The following PABPC4L variants were observed in gnomAD, a reference collection of about 807,000 sequenced individuals.
PABPC4L encodes polyadenylate-binding protein 4-like.
For missense variants in PABPC4L, 452 were observed against 451.4 expected (o/e 1.00, Z -0.01); for synonymous variants, 169 against 164.1 (o/e 1.03, Z -0.23).
chr4:134,006,861 T>C, the PABPC4L span, among the ~76,000 whole-genome samples: 1 of 151,706 alleles, frequency 6.6e-6, no homozygotes, highest in Admixed American at 6.6e-5. Flanking sequence ...AATCTCAAAG[T>C]GTGATCTTCT....
At chr4:134,190,601 A>G in the PABPC4L span, among the ~76,000 whole-genome samples, 2 of 152,082 alleles carry the variant, frequency 1.3e-5, no homozygotes, top group African/African-American at 4.8e-5. Flanking sequence ...AATACTTCTC[A>G]TAAGTTTGGA....
chr4:134,072,304 A>C, the PABPC4L span, among the ~76,000 whole-genome samples: 1 of 152,136 alleles, frequency 6.6e-6, no homozygotes, highest in South Asian at 2.1e-4. Context: ...AGTTGATGTG[A>C]GTCTGTCAAC....
At chr4:133,964,743 A>G in the PABPC4L span, among the ~76,000 whole-genome samples, 5 of 152,156 alleles carry the variant, frequency 3.3e-5, no homozygotes, top group Non-Finnish European at 7.4e-5. Context: ...TAGATACAGA[A>G]AAAGCATTTA....
chr4:134,102,615 T>C, the PABPC4L span, among the ~76,000 whole-genome samples: 1 of 151,610 alleles, frequency 6.6e-6, no homozygotes, highest in African/African-American at 2.4e-5. Context: ...CAGCCAATCA[T>C]GGAACAACTC....
chr4:134,157,450 C>T, the PABPC4L span, among the ~76,000 whole-genome samples: 1 of 151,646 alleles, frequency 6.6e-6, no homozygotes, highest in Admixed American at 6.6e-5. Flanking sequence ...CTTTTGTCCA[C>T]TTGATTCACC....
At chr4:134,112,822 A>G in the PABPC4L span, among the ~76,000 whole-genome samples, 2 of 152,002 alleles carry the variant, frequency 1.3e-5, no homozygotes, top group East Asian at 3.9e-4. Flanking sequence ...AATCACACAA[A>G]TAAGCTCAGG....
At chr4:134,005,182 C>T in the PABPC4L span, among the ~76,000 whole-genome samples, 69 of 151,834 alleles carry the variant, frequency 4.5e-4, no homozygotes, top group African/African-American at 1.6e-3. Flanking sequence ...ACAATGTATA[C>T]ATGTATCAAA....
chr4:134,075,646 CA>C, the PABPC4L span, among the ~76,000 whole-genome samples: 1 of 151,992 alleles, frequency 6.6e-6, no homozygotes, highest in African/African-American at 2.4e-5. Context: ...TTCCTACTTT[CA>C]AAAAATAAAA....
Position 134,198,660 on chromosome 4 carries a change from C to T in PABPC4L, c.*1247G>A, listed in dbSNP as rs567265618. Reference sequence around the variant, plus strand: ...TTAAATGTAATTAAATAACTCTTGCCTCGATTTCCAAATGGATTTGAAGCA... The same window carrying T: ...TTAAATGTAATTAAATAACTCTTGCTTCGATTTCCAAATGGATTTGAAGCA... On this transcript the variant is annotated 3_prime_UTR_variant, in exon 2 of 2. Coordinates refer to ENST00000421491, the MANE Select transcript of PABPC4L (RefSeq NM_001114734.2). 1.5e-4 allele frequency: 23 copies of T among 151,876 alleles called. No homozygotes were observed. The highest frequency in any genetic ancestry group is 3.0e-4 in the Non-Finnish European group (20 of 67,764). 9.4% of individuals were successfully genotyped at this position (151,876 alleles called of 1,614,324 possible).
At chr4:134,145,962 T>C in the PABPC4L span, among the ~76,000 whole-genome samples, 13 of 152,000 alleles carry the variant, frequency 8.6e-5, no homozygotes, top group Admixed American at 2.0e-4. Context: ...GTGTTGAATA[T>C]GGCAGTGGTA....
the PABPC4L span, among the ~76,000 whole-genome samples, chr4:134,113,382 C>A: frequency 2.0e-5 from 3 of 151,832 alleles, no homozygotes; most frequent in African/African-American, 7.2e-5. Context: ...ATTATTTTTT[C>A]TTTTATATCA....
At chr4:134,023,537 TTTATAAA>T in the PABPC4L span, among the ~76,000 whole-genome samples, 1 of 152,076 alleles carries the variant, frequency 6.6e-6, no homozygotes, top group Non-Finnish European at 1.5e-5. Context: ...TCTACATATC[TTTATAAA>T]TTAAAATTAT....
the PABPC4L span, among the ~76,000 whole-genome samples, chr4:134,015,220 C>A: frequency 1.3e-5 from 2 of 152,104 alleles, no homozygotes; most frequent in East Asian, 3.9e-4. Context: ...TACAGCATGG[C>A]CTTTTAAAGC....
the PABPC4L span, among the ~76,000 whole-genome samples, chr4:134,132,896 T>A: frequency 1.6e-4 from 24 of 146,586 alleles, no homozygotes; most frequent in African/African-American, 5.2e-4. Flanking sequence ...TATTAAAATA[T>A]TATATATTAT....
the PABPC4L span, among the ~76,000 whole-genome samples, chr4:134,061,630 G>C: frequency 2.2e-4 from 4 of 18,100 alleles, no homozygotes; most frequent in African/African-American, 1.1e-3. Context: ...CAGAGAGAGA[G>C]AGAGAGAGAG....
chr4:133,970,112 A>AT, the PABPC4L span, among the ~76,000 whole-genome samples: 29 of 147,956 alleles, frequency 2.0e-4, no homozygotes, highest in Non-Finnish European at 3.3e-4. Context: ...TATTTATATA[A>AT]AATATATATA....
the PABPC4L span, among the ~76,000 whole-genome samples, chr4:134,106,900 C>T: frequency 1.3e-5 from 2 of 151,244 alleles, no homozygotes; most frequent in African/African-American, 4.8e-5. Context: ...AATCAGGGGC[C>T]ATTTTTAACC....
chr4:134,017,052 G>C, the PABPC4L span, among the ~76,000 whole-genome samples: 1 of 152,138 alleles, frequency 6.6e-6, no homozygotes, highest in East Asian at 1.9e-4. Context: ...TCCTCGGTTT[G>C]GCCTTCCCAC....
the PABPC4L span, among the ~76,000 whole-genome samples, chr4:133,978,648 T>G: frequency 6.6e-6 from 1 of 152,154 alleles, no homozygotes; most frequent in African/African-American, 2.4e-5. Context: ...GCTCACATGT[T>G]TTACAGTTGG....
Sources: allele counts gnomAD v4.1 joint callset (sites outside exome capture counted in the v4.1 genomes callset), GRCh38; gene constraint gnomAD v4.1.1; transcripts MANE v1.5; gene names NCBI Gene and HGNC (gene_info 2026-07-23, HGNC 2026-07-21).